UNC5D: variants seen among roughly 807,000 people sequenced by gnomAD.
UNC5D encodes netrin receptor UNC5D.
UNC5D carries 39 observed loss-of-function variants against 105.4 expected under a neutral mutation model. That is an observed-to-expected ratio of 0.37 (90% CI 0.29 to 0.48). UNC5D has a LOEUF of 0.48. Ranked by LOEUF, UNC5D falls within the 20% of genes least tolerant of loss-of-function variation. UNC5D has a pLI of 0.98. For synonymous variants in UNC5D, 452 were observed against 450.4 expected (o/e 1.00, Z -0.04); for missense variants, 991 against 1,202.4 (o/e 0.82, Z 2.60).
intron 1 of UNC5D, among the ~76,000 whole-genome samples, chr8:35,297,615 T>A (rs537099453): frequency 6.6e-6 from 1 of 152,272 alleles, no homozygotes; most frequent in African/African-American, 2.4e-5. Context: ...CCCAGCCTTT[T>A]CTTTGCTACC....
chr8:35,602,491 T>G (rs2130932990), intron 4 of UNC5D, among the ~76,000 whole-genome samples: 1 of 152,346 alleles, frequency 6.6e-6, no homozygotes, highest in African/African-American at 2.4e-5. Context: ...GTTATTGGTC[T>G]ATTCAGAGAT....
At chr8:35,482,865 C>G (rs942453037) in intron 1 of UNC5D, among the ~76,000 whole-genome samples, 1 of 128,768 alleles carries the variant, frequency 7.8e-6, no homozygotes, top group African/African-American at 3.1e-5. Flanking sequence ...AGTGATAGCG[C>G]GATCTCAGCT....
At chr8:35,282,103 G>T (rs1806229492) in intron 1 of UNC5D, among the ~76,000 whole-genome samples, 1 of 152,128 alleles carries the variant, frequency 6.6e-6, no homozygotes, top group Admixed American at 6.6e-5. Context: ...GCAGGAATTT[G>T]GTCTAACAAA....
At chr8:35,241,252 G>T (rs376184374) in intron 1 of UNC5D, among the ~76,000 whole-genome samples, 1 of 152,190 alleles carries the variant, frequency 6.6e-6, no homozygotes, top group East Asian at 1.9e-4. Context: ...ACATTGCATC[G>T]TATGGCCTTA....
chr8:35,726,652 C>A (rs113523198), intron 10 of UNC5D, 123 bp downstream of exon 10: 4 of 1,422,436 alleles, frequency 2.8e-6, no homozygotes, highest in African/African-American at 1.4e-5. Flanking sequence ...GCAAACACTG[C>A]GGCTCCACTA....
At chr8:35,724,079 TGTTCCGTGGAGCACCAGGCAGCAG>T in intron 9 of UNC5D, 1 of 1,340,880 alleles carries the variant, frequency 7.5e-7, no homozygotes, top group Non-Finnish European at 9.6e-7. Context: ...GATGCCAGCG[TGTTCCGTGGAGCACCAGGCAGCAG>T]GTGAGAAGGG....
intron 1 of UNC5D, among the ~76,000 whole-genome samples, chr8:35,384,239 A>C (rs1002948266): frequency 7.2e-5 from 11 of 151,970 alleles, no homozygotes; most frequent in African/African-American, 2.4e-4. Flanking sequence ...AACAAAAAAA[A>C]ACTAACATTT....
At position 35,750,782 on chromosome 8, in the gene UNC5D, T is replaced by A; in HGVS notation, c.2136T>A (p.Cys712Ter). The change falls in exon 13 of 17, where the codon TGT becomes TGA. Residue 712 changes from cysteine to a stop codon, truncating the protein, a stop_gained. Transcript: ENST00000404895. LOFTEE classifies it high-confidence loss of function. Reference protein sequence around the residue: ...NSLDYNLRVYCVDNTPCAFQE... With the variant: ...NSLDYNLRVY ...TGGATTACAACTTGAGAGTTTACTG[T>A]GTGGACAATACCCCTTGTGCATTTC... 1 of 1,614,172 alleles carries A rather than the reference T, an allele frequency of 6.2e-7. No individual in the cohort carries two copies. The highest frequency in any genetic ancestry group is 1.3e-5 in the African/African-American group (1 of 75,048).
chr8:35,383,870 G>A (rs111403034), intron 1 of UNC5D, among the ~76,000 whole-genome samples: 3,587 of 152,128 alleles, frequency 0.024, 145 homozygotes, highest in African/African-American at 0.083. Flanking sequence ...CTTCAGCCCC[G>A]GAATTTGGGA....
chr8:35,412,905 T>C (rs1411589366), intron 1 of UNC5D, among the ~76,000 whole-genome samples: 1 of 152,042 alleles, frequency 6.6e-6, no homozygotes, highest in African/African-American at 2.4e-5. Flanking sequence ...GGAAATTCTT[T>C]GGAGAGGAAG....
At chr8:35,452,108 G>A (rs1180240291) in intron 1 of UNC5D, among the ~76,000 whole-genome samples, 1 of 152,026 alleles carries the variant, frequency 6.6e-6, no homozygotes, top group African/African-American at 2.4e-5. Context: ...TCAGTTCCTG[G>A]CACACAGTAA....
At chr8:35,433,774 G>T (rs1449099477) in intron 1 of UNC5D, among the ~76,000 whole-genome samples, 2 of 151,174 alleles carry the variant, frequency 1.3e-5, no homozygotes, top group Admixed American at 1.3e-4. Context: ...GCTTGAACCT[G>T]GGAGGCAGAG....
intron 1 of UNC5D, among the ~76,000 whole-genome samples, chr8:35,431,456 A>G (rs1563411599): frequency 6.6e-6 from 1 of 152,166 alleles, no homozygotes; most frequent in Non-Finnish European, 1.5e-5. Flanking sequence ...TTTCAAGATG[A>G]TCTTTACCAT....
At chr8:35,710,934 CTTTTTTTTTTTT>C (rs775014566) in intron 8 of UNC5D, among the ~76,000 whole-genome samples, 1 of 114,382 alleles carries the variant, frequency 8.7e-6, no homozygotes. Context: ...CAGCATTATT[CTTTTTTTTTTTT>C]TTTTTTTTTT....
intron 3 of UNC5D, among the ~76,000 whole-genome samples, chr8:35,578,514 G>A (rs1448414305): frequency 6.6e-6 from 1 of 152,070 alleles, no homozygotes; most frequent in South Asian, 2.1e-4. Context: ...TTAGATCTGC[G>A]AAAATAAAAC....
In UNC5D at chr8:35,250,782, C is replaced by T. The variant is rs534773797; in HGVS notation, c.103+14895C>T. ...AAAGTGTTGGGATTACAGGCATGAA[C>T]CACCGCTCCTGGCCCCAGTAGTTGC... On this transcript the variant is annotated intron_variant, in intron 1 of 16. Transcript: ENST00000404895. 2.0e-5 allele frequency among the ~76,000 whole-genome samples: 3 copies of T among 152,318 alleles called. No homozygotes were observed. The South Asian group carries it at 6.2e-4, about 32-fold the overall frequency.
chr8:35,633,968 G>C (rs1400509126), intron 4 of UNC5D, among the ~76,000 whole-genome samples: 1 of 152,226 alleles, frequency 6.6e-6, no homozygotes, highest in Non-Finnish European at 1.5e-5. Context: ...TCAAAGCCCA[G>C]TCATTAGTCC....
chr8:35,253,499 T>G (rs1803858061), intron 1 of UNC5D, among the ~76,000 whole-genome samples: 1 of 147,050 alleles, frequency 6.8e-6, no homozygotes, highest in Non-Finnish European at 1.5e-5. Context: ...TTTTTTCTTT[T>G]TTTTTGAGAC....
chr8:35,522,235 C>T (rs1472786590), intron 1 of UNC5D, among the ~76,000 whole-genome samples: 1 of 152,086 alleles, frequency 6.6e-6, no homozygotes, highest in African/African-American at 2.4e-5. Flanking sequence ...TGGTGTCATC[C>T]TTGGATGTCT....
Sources: gnomAD v4.1 joint callset for allele counts (sites outside exome capture counted in the v4.1 genomes callset) on GRCh38, gnomAD v4.1.1 for gene constraint, MANE v1.5 for transcripts, NCBI Gene and HGNC (gene_info 2026-07-23, HGNC 2026-07-21) for gene names.